ARHGAP18: variants seen among roughly 807,000 people sequenced by gnomAD.
ARHGAP18 encodes the protein rho GTPase-activating protein 18.
ARHGAP18 carries 67 observed loss-of-function variants against 86.2 expected under a neutral mutation model. That is an observed-to-expected ratio of 0.78 (90% CI 0.64 to 0.95). The LOEUF is 0.95. Ranked by LOEUF, ARHGAP18 falls within the 40% of genes least tolerant of loss-of-function variation. ARHGAP18 has a pLI of 0.00. For missense variants in ARHGAP18, 691 were observed against 780.4 expected, an observed-to-expected ratio of 0.89 and a Z score of 1.37; for synonymous variants, 283 against 280.4, an observed-to-expected ratio of 1.01 and a Z score of -0.09.
chr6:129,578,540 C>G lies in ARHGAP18; in HGVS notation c.1965G>C (p.Glu655Asp), dbSNP rs1562673631. ...ACAATGGCTTTGACTTTATAACCCA[C>G]TCAGCATTTGGGTTAAGCTGATATA... ...KDLYQLNPNA[E>D]WVIKSKPL Residue 655 changes from glutamate to aspartate, a missense_variant, in exon 15 of 15, where the codon GAG (glutamate) becomes GAC (aspartate). Glu to Asp is a conservative substitution (Grantham distance 45). Transcript: ENST00000368149. The G allele has an allele frequency of 1.2e-6, 2 of 1,612,220 alleles. No individual in the cohort carries two copies. Among genetic ancestry groups the G allele is most frequent in the Non-Finnish European group, 1.7e-6 (2 of 1,178,832 alleles).
intron 9 of ARHGAP18, among the ~76,000 whole-genome samples, chr6:129,607,125 G>T (rs138422930): frequency 8.0e-4 from 121 of 152,196 alleles, no homozygotes; most frequent in African/African-American, 2.8e-3. Context: ...CTCCCAAAGT[G>T]CTGGGAGCTC....
chr6:129,667,503 G>GTGTGTA (rs548429421), intron 1 of ARHGAP18, among the ~76,000 whole-genome samples: 7,220 of 145,320 alleles, frequency 0.05, 239 homozygotes, highest in African/African-American at 0.055. Flanking sequence ...GTGTGTGTGT[G>GTGTGTA]TGTTGTGTAT....
Position 129,710,149 on chromosome 6 carries a change from G to C in ARHGAP18, c.-13C>G. On this transcript the variant is annotated 5_prime_UTR_variant, in exon 1 of 15. Coordinates refer to ENST00000368149, the MANE Select transcript of ARHGAP18 (RefSeq NM_033515.3). Reference sequence around the variant, plus strand: ...AGAGCCAGCTCATGGTGAGAGAAGGGACATACTTTCTGCGATCCTGACACA... The same window carrying C: ...AGAGCCAGCTCATGGTGAGAGAAGGCACATACTTTCTGCGATCCTGACACA... The C allele has an allele frequency of 6.3e-7, 1 of 1,596,182 alleles. No homozygotes were observed. Among genetic ancestry groups the C allele is most frequent in the Middle Eastern group, 1.8e-4 (1 of 5,552 alleles).
At chr6:129,689,889 C>T (rs568668903) in intron 1 of ARHGAP18, among the ~76,000 whole-genome samples, 1 of 152,180 alleles carries the variant, frequency 6.6e-6, no homozygotes, top group African/African-American at 2.4e-5. Context: ...TGGCATCCAG[C>T]CTTCAAATTT....
chr6:129,697,097 C>T (rs997769342), intron 1 of ARHGAP18, among the ~76,000 whole-genome samples: 1 of 152,186 alleles, frequency 6.6e-6, no homozygotes, highest in Non-Finnish European at 1.5e-5. Flanking sequence ...TGGGGTAAAC[C>T]TGCAAGAATG....
chr6:129,627,380 G>A (rs1172938771), intron 5 of ARHGAP18, among the ~76,000 whole-genome samples: 1 of 139,230 alleles, frequency 7.2e-6, no homozygotes, highest in African/African-American at 2.6e-5. Context: ...CTGCTACATT[G>A]ACAAAAAAGA....
At chr6:129,583,901 AAAAGG>A in intron 13 of ARHGAP18, 82 bp downstream of exon 13, 2 of 1,503,148 alleles carry the variant, frequency 1.3e-6, no homozygotes, top group African/African-American at 2.8e-5. Flanking sequence ...AAAAAAAAAA[AAAAGG>A]AAGAAGAAGC....
chr6:129,680,188 T>G (rs1351157663), intron 1 of ARHGAP18, among the ~76,000 whole-genome samples: 1 of 152,182 alleles, frequency 6.6e-6, no homozygotes, highest in Admixed American at 6.5e-5. Context: ...TAGGACCTTT[T>G]TAAAAATTTT....
At chr6:129,676,915 CTTTTTT>C (rs10688716) in intron 1 of ARHGAP18, among the ~76,000 whole-genome samples, 5,127 of 36,734 alleles carry the variant, frequency 0.14, 223 homozygotes, top group South Asian at 0.24. Context: ...TTTTTGTCCT[CTTTTTT>C]TTTTTTTTTT....
intron 5 of ARHGAP18, among the ~76,000 whole-genome samples, chr6:129,627,534 C>A (rs1229158977): frequency 6.6e-6 from 1 of 151,938 alleles, no homozygotes; most frequent in Non-Finnish European, 1.5e-5. Context: ...ACATATTAAA[C>A]TACACCAGGG....
intron 1 of ARHGAP18, among the ~76,000 whole-genome samples, chr6:129,660,016 T>C (rs754281512): frequency 2.6e-5 from 4 of 152,088 alleles, no homozygotes; most frequent in Non-Finnish European, 5.9e-5. Context: ...TGCGGTGATG[T>C]AGACAGACTG....
intron 1 of ARHGAP18, among the ~76,000 whole-genome samples, chr6:129,664,614 G>A (rs1774006773): frequency 6.6e-6 from 1 of 152,144 alleles, no homozygotes; most frequent in Non-Finnish European, 1.5e-5. Context: ...AACTCTCAGA[G>A]CCTCAGTTTC....
At chr6:129,590,781 T>C (rs1379401827) in intron 12 of ARHGAP18, among the ~76,000 whole-genome samples, 1 of 152,218 alleles carries the variant, frequency 6.6e-6, no homozygotes, top group East Asian at 1.9e-4. Flanking sequence ...AGAACCTGTA[T>C]TCTACGGCAG....
chr6:129,597,905 A>C lies in ARHGAP18; in HGVS notation c.1713+1311T>G, dbSNP rs545460541. ...TAAAGAAGTTAATGCTTTTTTTTCC[A>C]TAAATGACAAAATTACTAAAATATT... On this transcript the variant is annotated intron_variant, in intron 12 of 14. Transcript: ENST00000368149. 1.8e-3 allele frequency among the ~76,000 whole-genome samples: 273 copies of C among 152,272 alleles called. 1 individual carries two copies. Among genetic ancestry groups the C allele is most frequent in the African/African-American group, 5.9e-3 (244 of 41,560 alleles).
intron 1 of ARHGAP18, among the ~76,000 whole-genome samples, chr6:129,686,788 C>CTTTTTTTT (rs553951472): frequency 8.5e-6 from 1 of 117,492 alleles, no homozygotes; most frequent in Non-Finnish European, 1.8e-5. Flanking sequence ...CTAATAAAAC[C>CTTTTTTTT]TTTTTTTTTT....
intron 1 of ARHGAP18, among the ~76,000 whole-genome samples, chr6:129,706,626 C>A (rs1774805734): frequency 6.6e-6 from 1 of 152,170 alleles, no homozygotes; most frequent in South Asian, 2.1e-4. Context: ...GTGGCTCATG[C>A]CTGTAATCTC....
intron 2 of ARHGAP18, among the ~76,000 whole-genome samples, chr6:129,640,247 AAGAAAAGGTGTGGGC>A (rs1773427280): frequency 6.6e-6 from 1 of 152,192 alleles, no homozygotes; most frequent in Non-Finnish European, 1.5e-5. Flanking sequence ...TTTAAAGTCT[AAGAAAAGGTGTGGGC>A]ATGTAGAAAA....
chr6:129,662,224 G>A (rs1282501148), intron 1 of ARHGAP18, among the ~76,000 whole-genome samples: 1 of 152,248 alleles, frequency 6.6e-6, no homozygotes, highest in African/African-American at 2.4e-5. Flanking sequence ...TGGGAGGATA[G>A]CGCACATGAA....
chr6:129,669,619 C>T (rs1340636052), intron 1 of ARHGAP18, among the ~76,000 whole-genome samples: 2 of 151,690 alleles, frequency 1.3e-5, no homozygotes, highest in African/African-American at 2.4e-5. Context: ...AACCCCGTCT[C>T]TATTAAAAAT....
Sources: allele counts gnomAD v4.1 joint callset (sites outside exome capture counted in the v4.1 genomes callset), GRCh38; gene constraint gnomAD v4.1.1; transcripts MANE v1.5; gene names NCBI Gene and HGNC (gene_info 2026-07-23, HGNC 2026-07-21).